PCDH15: variants seen among roughly 807,000 people sequenced by gnomAD.
PCDH15 encodes protocadherin-15.
PCDH15 carries 129 observed loss-of-function variants against 178.5 expected under a neutral mutation model. The observed-to-expected ratio is 0.72, with a 90% CI of 0.63 to 0.84. The LOEUF (loss-of-function observed/expected upper bound fraction) is 0.84. Ranked by LOEUF, PCDH15 falls within the 40% of genes least tolerant of loss-of-function variation. The probability of loss-of-function intolerance (pLI) is 0.00; values close to 1 mark genes in which losing one functional copy is unlikely to be tolerated. For synonymous variants in PCDH15, 800 were observed against 732.0 expected (o/e 1.09, Z -1.50); for missense variants, 2,230 against 2,099.9 (o/e 1.06, Z -1.21).
At chr10:54,903,570 G>GT (rs140294483) in intron 2 of PCDH15, among the ~76,000 whole-genome samples, 18,324 of 146,952 alleles carry the variant, frequency 0.12, 1,352 homozygotes, top group East Asian at 0.23. Context: ...TTTTTGCCAT[G>GT]TTTTTTTTTT....
chr10:55,493,702 T>C (rs1840471929), intron 2 of PCDH15, among the ~76,000 whole-genome samples: 2 of 151,994 alleles, frequency 1.3e-5, no homozygotes, highest in South Asian at 4.1e-4. Context: ...GACATCCTTA[T>C]GTAAACAAAA....
At chr10:55,188,306 A>G (rs776488168) in intron 1 of PCDH15, among the ~76,000 whole-genome samples, 4 of 151,878 alleles carry the variant, frequency 2.6e-5, no homozygotes, top group Admixed American at 6.6e-5. Flanking sequence ...TAAGACAATA[A>G]TCTGTGATGG....
At chr10:55,031,951 A>C (rs140859759) in intron 2 of PCDH15, among the ~76,000 whole-genome samples, 6 of 152,350 alleles carry the variant, frequency 3.9e-5, no homozygotes, top group African/African-American at 1.4e-4. Flanking sequence ...CTATTGTTGT[A>C]ACAAATATCT....
At chr10:53,890,940 A>C (rs1290573780) in intron 26 of PCDH15, among the ~76,000 whole-genome samples, 1 of 152,198 alleles carries the variant, frequency 6.6e-6, no homozygotes, top group Non-Finnish European at 1.5e-5. Context: ...TTTATTTCTT[A>C]TGGCTTATTT....
intron 1 of PCDH15, among the ~76,000 whole-genome samples, chr10:55,288,441 T>C (rs1344632686): frequency 6.6e-6 from 1 of 151,872 alleles, no homozygotes; most frequent in Non-Finnish European, 1.5e-5. Flanking sequence ...AATGTGGTAT[T>C]GCTAACTCTA....
chr10:54,869,352 C>A (rs937847442), intron 3 of PCDH15, among the ~76,000 whole-genome samples: 2 of 152,192 alleles, frequency 1.3e-5, no homozygotes, highest in Non-Finnish European at 2.9e-5. Context: ...ATTATGATTT[C>A]AAACTTCTAG....
intron 2 of PCDH15, among the ~76,000 whole-genome samples, chr10:54,916,936 A>G (rs1591781874): frequency 6.6e-6 from 1 of 152,260 alleles, no homozygotes; most frequent in Middle Eastern, 3.4e-3. Flanking sequence ...CACATAGGAG[A>G]GTCCCAGCAG....
chr10:54,452,713 C>T lies in PCDH15; in HGVS notation c.158-73771G>A, dbSNP rs138079864. 1.5e-3 allele frequency among the ~76,000 whole-genome samples: 230 copies of T among 152,090 alleles called. 1 individual carries two copies. Among genetic ancestry groups the T allele is most frequent in the African/African-American group, 5.1e-3 (210 of 41,518 alleles). On this transcript the variant is annotated intron_variant, in intron 3 of 37. Coordinates refer to ENST00000644397, the MANE Select transcript of PCDH15 (RefSeq NM_001384140.1). ...TCTTTCTGGAGTCCCTTCAAAAGTT[C>T]CTGTTTATAGATGCACATAAGATAT...
intron 3 of PCDH15, among the ~76,000 whole-genome samples, chr10:54,831,824 T>C (rs1015815573): frequency 6.6e-6 from 1 of 152,140 alleles, no homozygotes; most frequent in Non-Finnish European, 1.5e-5. Flanking sequence ...CGTACTTCAC[T>C]AGCCCATTAA....
chr10:55,568,322 TC>T (rs1331244585), intron 2 of PCDH15, among the ~76,000 whole-genome samples: 12 of 152,072 alleles, frequency 7.9e-5, no homozygotes, highest in African/African-American at 2.9e-4. Context: ...AGGCAAATAC[TC>T]TATTATTCGA....
intron 8 of PCDH15, among the ~76,000 whole-genome samples, chr10:54,305,328 G>T (rs1007411530): frequency 2.0e-5 from 3 of 151,866 alleles, no homozygotes; most frequent in Non-Finnish European, 4.4e-5. Context: ...TTTTATCTAG[G>T]TATTTTTTTT....
intron 2 of PCDH15, among the ~76,000 whole-genome samples, chr10:54,613,908 T>C (rs2134288809): frequency 6.6e-6 from 1 of 151,900 alleles, no homozygotes; most frequent in Admixed American, 6.6e-5. Flanking sequence ...ATTAGTGCTA[T>C]AATGGCAGGA....
chr10:54,159,407 C>A (rs974608889), intron 13 of PCDH15, among the ~76,000 whole-genome samples: 1 of 152,066 alleles, frequency 6.6e-6, no homozygotes, highest in African/African-American at 2.4e-5. Flanking sequence ...GACTGAGACC[C>A]ATACAGAAGA....
chr10:54,454,854 G>A (rs530909458), intron 3 of PCDH15, among the ~76,000 whole-genome samples: 12 of 152,030 alleles, frequency 7.9e-5, no homozygotes, highest in Non-Finnish European at 1.3e-4. Context: ...GAGAAATTTT[G>A]TTTTATAACT....
chr10:55,163,391 T>A (rs186687299), intron 2 of PCDH15, among the ~76,000 whole-genome samples: 55 of 152,278 alleles, frequency 3.6e-4, no homozygotes, highest in African/African-American at 1.3e-3. Context: ...ATATTCAATA[T>A]ATAAAGACCC....
chr10:53,983,803 C>A (rs546213162), intron 21 of PCDH15, among the ~76,000 whole-genome samples: 2 of 152,222 alleles, frequency 1.3e-5, no homozygotes, highest in Admixed American at 6.5e-5. Flanking sequence ...TAGAGATGAA[C>A]CTTATCTGAG....
chr10:54,219,089 T>TAAA (rs746481539), intron 9 of PCDH15, among the ~76,000 whole-genome samples: 3 of 100,118 alleles, frequency 3.0e-5, no homozygotes, highest in African/African-American at 7.8e-5. Flanking sequence ...CTGTCTCTAC[T>TAAA]AAAAAAAAAA....
chr10:55,298,151 C>T (rs1397694905), intron 1 of PCDH15, among the ~76,000 whole-genome samples: 1 of 152,104 alleles, frequency 6.6e-6, no homozygotes, highest in Non-Finnish European at 1.5e-5. Context: ...GAGAAAAAGC[C>T]TTTAATATCC....
At chr10:53,812,448 C>G (rs1043478525) in intron 35 of PCDH15, among the ~76,000 whole-genome samples, 1 of 151,950 alleles carries the variant, frequency 6.6e-6, no homozygotes, top group Non-Finnish European at 1.5e-5. Flanking sequence ...CTCCTGACCT[C>G]GTGATCAGCC....
Sources: gnomAD v4.1 joint callset for allele counts (sites outside exome capture counted in the v4.1 genomes callset) on GRCh38, gnomAD v4.1.1 for gene constraint, MANE v1.5 for transcripts, NCBI Gene and HGNC (gene_info 2026-07-23, HGNC 2026-07-21) for gene names.